HECW1: variants seen among roughly 807,000 people sequenced by gnomAD.
HECW1 encodes the protein HECT, C2 and WW domain containing E3 ubiquitin protein ligase 1.
Under a neutral mutation model 182.3 loss-of-function variants are expected in HECW1, and 61 were observed. That is an observed-to-expected ratio of 0.33 (90% CI 0.27 to 0.41). The LOEUF (loss-of-function observed/expected upper bound fraction) is 0.41, where lower values mean the gene tolerates loss of function less well. Among genes scored for constraint, HECW1 ranks in the 10% least tolerant of loss-of-function variants. The pLI, the probability that HECW1 is intolerant of heterozygous loss-of-function variation, is 1.00. For missense variants in HECW1, 1,739 were observed against 2,108.9 expected (o/e 0.82, Z 3.44); for synonymous variants, 859 against 832.6 (o/e 1.03, Z -0.55).
intron 20 of HECW1, 120 bp downstream of exon 20, chr7:43,500,902 T>G (rs1413290170): frequency 7.1e-6 from 6 of 839,954 alleles, no homozygotes; most frequent in Non-Finnish European, 1.2e-5. Context: ...AGGATTCTAG[T>G]AACTGCAACG....
chr7:43,339,550 T>C lies in HECW1; in HGVS notation c.460+18808T>C, dbSNP rs76346411. On this transcript the variant is annotated intron_variant, in intron 5 of 29. Transcript: ENST00000395891. ...TTGCTTCTTTAAAGTCTTTGCCAGA[T>C]GACTTCAGCATCAGGATTCTGTTTC... 1.3e-4 allele frequency among the ~76,000 whole-genome samples: 20 copies of C among 152,372 alleles called. No homozygotes were observed. The East Asian group carries it at 3.9e-3, about 29-fold the overall frequency.
chr7:43,440,321 T>A (rs1451255600), intron 9 of HECW1: 1 of 152,450 alleles, frequency 6.6e-6, no homozygotes, highest in Non-Finnish European at 1.5e-5. Context: ...CTTTCCCCCC[T>A]GGGCACACAT....
In HECW1 at chr7:43,444,198, A is replaced by T; in HGVS notation, c.1046-20A>T. ...TGCTCTCTTCTGGGAGAAATGACATATTTTTCTTCTTACCAGCAGATGATG... is the reference window on the plus strand; with the variant it reads ...TGCTCTCTTCTGGGAGAAATGACATTTTTTTCTTCTTACCAGCAGATGATG... On this transcript the variant is annotated intron_variant, in intron 10 of 29. Transcript: ENST00000395891. This position sits in a 1 kb window ranked among gnomAD's most constrained non-coding sequence, Gnocchi z 4.3. 1 of 1,581,288 alleles carries T rather than the reference A, an allele frequency of 6.3e-7. No individual in the cohort carries two copies. Among genetic ancestry groups the T allele is most frequent in the Non-Finnish European group, 8.6e-7 (1 of 1,161,432 alleles).
At chr7:43,205,438 G>A (rs927857871) in intron 2 of HECW1, among the ~76,000 whole-genome samples, 1 of 152,168 alleles carries the variant, frequency 6.6e-6, no homozygotes, top group Non-Finnish European at 1.5e-5. Context: ...GCCTGGAACT[G>A]ATGGGAACTA....
intron 13 of HECW1, among the ~76,000 whole-genome samples, chr7:43,460,071 A>C (rs968267427): frequency 6.6e-6 from 1 of 152,094 alleles, no homozygotes; most frequent in Non-Finnish European, 1.5e-5. Context: ...TGTTTTGCTT[A>C]TTGCTTTTGT....
chr7:43,308,417 AG>A (rs1405433534), intron 3 of HECW1, among the ~76,000 whole-genome samples: 1 of 144,608 alleles, frequency 6.9e-6, no homozygotes, highest in Non-Finnish European at 1.5e-5. Flanking sequence ...ACACCTTAAA[AG>A]TCATACAATT....
At chr7:43,164,372 CAG>C (rs1457297976) in intron 2 of HECW1, among the ~76,000 whole-genome samples, 1 of 152,176 alleles carries the variant, frequency 6.6e-6, no homozygotes, top group Non-Finnish European at 1.5e-5. Flanking sequence ...CATATTGAAA[CAG>C]TGTTTTGCAT....
intron 27 of HECW1, 129 bp downstream of exon 27, chr7:43,550,720 A>T (rs1257145969): frequency 1.1e-6 from 1 of 894,420 alleles, no homozygotes; most frequent in Non-Finnish European, 1.7e-6. Context: ...CAAGGTGGGC[A>T]GTGGGCTCAG....
At chr7:43,221,807 A>G (rs770255775) in intron 2 of HECW1, among the ~76,000 whole-genome samples, 3 of 151,944 alleles carry the variant, frequency 2.0e-5, no homozygotes, top group Admixed American at 6.6e-5. Flanking sequence ...GGCCTCCCAA[A>G]GTGCTGGGAT....
At chr7:43,296,734 G>A (rs1806101766) in intron 3 of HECW1, among the ~76,000 whole-genome samples, 1 of 152,206 alleles carries the variant, frequency 6.6e-6, no homozygotes, top group South Asian at 2.1e-4. Flanking sequence ...GAAATGAACT[G>A]TTCCAACAAC....
chr7:43,402,277 G>A (rs2075447800), intron 7 of HECW1, among the ~76,000 whole-genome samples: 1 of 152,164 alleles, frequency 6.6e-6, no homozygotes, highest in Non-Finnish European at 1.5e-5. Flanking sequence ...ACCCACTGGG[G>A]CTCCAGGAGT....
At chr7:43,156,308 G>A (rs62458213) in intron 2 of HECW1, among the ~76,000 whole-genome samples, 19,635 of 152,150 alleles carry the variant, frequency 0.13, 1,508 homozygotes, top group African/African-American at 0.22. Flanking sequence ...CCCCCAGTAG[G>A]TGTTCACTGA....
chr7:43,275,433 A>C (rs1376868543), intron 3 of HECW1, among the ~76,000 whole-genome samples: 2 of 152,152 alleles, frequency 1.3e-5, no homozygotes, highest in Non-Finnish European at 2.9e-5. Flanking sequence ...TGGGGTGATG[A>C]CGCTTGAGGT....
chr7:43,426,505 A>G (rs534882981), intron 8 of HECW1, among the ~76,000 whole-genome samples: 2 of 152,214 alleles, frequency 1.3e-5, no homozygotes, highest in Non-Finnish European at 2.9e-5. Context: ...TATTTTTCAT[A>G]CAAATACTGT....
intron 21 of HECW1, among the ~76,000 whole-genome samples, chr7:43,504,182 T>G (rs2079483485): frequency 6.6e-6 from 1 of 152,202 alleles, no homozygotes; most frequent in Non-Finnish European, 1.5e-5. Context: ...GACTTCAACA[T>G]CGACAGGGAC....
chr7:43,376,462 T>C (rs1478467959), intron 6 of HECW1, among the ~76,000 whole-genome samples: 2 of 152,272 alleles, frequency 1.3e-5, no homozygotes, highest in East Asian at 3.9e-4. Context: ...CTTTACTCAG[T>C]AGGTGCCCGT....
intron 26 of HECW1, 25 bp from the exon 27 acceptor site, chr7:43,550,420 C>T (rs1179502858): frequency 1.2e-5 from 19 of 1,613,122 alleles, no homozygotes; most frequent in Admixed American, 1.7e-5. Flanking sequence ...TGACAAGCAT[C>T]GCAATATTTC....
At chr7:43,365,914 C>G (rs1181593338) in intron 6 of HECW1, among the ~76,000 whole-genome samples, 1 of 152,024 alleles carries the variant, frequency 6.6e-6, no homozygotes, top group Non-Finnish European at 1.5e-5. Flanking sequence ...GCCAACATGG[C>G]AAAACCCCAT....
At chr7:43,505,234 G>A (rs2079529169) in intron 21 of HECW1, among the ~76,000 whole-genome samples, 1 of 152,140 alleles carries the variant, frequency 6.6e-6, no homozygotes, top group Non-Finnish European at 1.5e-5. Context: ...CCGTCTCAGT[G>A]AATGTCACCG....
Sources: gnomAD v4.1 joint callset for allele counts (sites outside exome capture counted in the v4.1 genomes callset) on GRCh38, gnomAD v4.1.1 for gene constraint, Gnocchi (gnomAD v3.1) non-coding constraint, MANE v1.5 for transcripts, NCBI Gene and HGNC (gene_info 2026-07-23, HGNC 2026-07-21) for gene names.